Variants in ALPL observed in about 807,000 individuals in gnomAD.
ALPL encodes alkaline phosphatase, tissue-nonspecific isozyme.
ALPL carries 42 observed loss-of-function variants against 51.3 expected under a neutral mutation model. The observed-to-expected ratio is 0.82, with a 90% CI of 0.64 to 1.06. The LOEUF is 1.06. Among genes scored for constraint, ALPL ranks in the 50% least tolerant of loss-of-function variants. The pLI is 0.00. For missense variants in ALPL, 589 were observed against 709.4 expected, an observed-to-expected ratio of 0.83 and a Z score of 1.93; for synonymous variants, 279 against 296.4, an observed-to-expected ratio of 0.94 and a Z score of 0.60.
rs1430797245 is a variant in ALPL, at chr1:21,577,428, A to G, written c.1355A>G (p.Glu452Gly). The change falls in exon 12 of 12, where the codon GAG becomes GGG. Residue 452 changes from glutamate (E) to glycine (G), a missense_variant. Glu to Gly is a moderately conservative substitution (Grantham distance 98). Coordinates refer to ENST00000374840, the MANE Select transcript of ALPL (RefSeq NM_000478.6). ...CAGTCTGCTGTGCCCCTGCGCCACGAGACCCACGGCGGGGAGGACGTGGCC... is the reference window on the plus strand; with the variant it reads ...CAGTCTGCTGTGCCCCTGCGCCACGGGACCCACGGCGGGGAGGACGTGGCC... ...QAQSAVPLRHETHGGEDVAVF... is the reference protein window; with the variant it reads ...QAQSAVPLRHGTHGGEDVAVF... The G allele has an allele frequency of 1.2e-6, 2 of 1,613,020 alleles. No individual in the cohort carries two copies. The highest frequency in any genetic ancestry group is 1.7e-6 in the Non-Finnish European group (2 of 1,179,968).
At chr1:21,536,978 C>A (rs1441421964) in intron 1 of ALPL, among the ~76,000 whole-genome samples, 1 of 147,830 alleles carries the variant, frequency 6.8e-6, no homozygotes, top group African/African-American at 2.6e-5. Flanking sequence ...CTCACTACAA[C>A]CTCCACCTCC....
intron 2 of ALPL, among the ~76,000 whole-genome samples, chr1:21,560,306 G>T (rs1051527461): frequency 6.6e-6 from 1 of 152,252 alleles, no homozygotes; most frequent in African/African-American, 2.4e-5. Flanking sequence ...GAAGGAATGA[G>T]CATGGGCTTT....
chr1:21,511,558 C>T (rs969824886), intron 1 of ALPL, among the ~76,000 whole-genome samples: 1 of 152,320 alleles, frequency 6.6e-6, no homozygotes, highest in South Asian at 2.1e-4. Context: ...GAACCTGTTA[C>T]CCACTTCTGC....
In ALPL at chr1:21,564,516, G is replaced by A. The variant is rs1644536366; in HGVS notation, c.648+300G>A. On this transcript the variant is annotated intron_variant, in intron 6 of 11. Transcript: ENST00000374840. This position sits in a 1 kb window ranked among gnomAD's most constrained non-coding sequence, Gnocchi z 5.8. ...TGCCCTCCTCTGCCCCCCACTACACGGGAGGTGGTGATGGCCAAGTGTCGT... is the reference window on the plus strand; with the variant it reads ...TGCCCTCCTCTGCCCCCCACTACACAGGAGGTGGTGATGGCCAAGTGTCGT... 6.6e-6 allele frequency among the ~76,000 whole-genome samples: 1 copy of A among 152,168 alleles called. No individual in the cohort carries two copies. The highest frequency in any genetic ancestry group is 1.5e-5 in the Non-Finnish European group (1 of 68,018).
intron 1 of ALPL, among the ~76,000 whole-genome samples, chr1:21,526,153 A>G (rs1486884694): frequency 6.6e-6 from 1 of 151,598 alleles, no homozygotes; most frequent in Non-Finnish European, 1.5e-5. Flanking sequence ...TCATTTATTT[A>G]TTTTTTTTGA....
At chr1:21,557,963 G>A (rs976321471) in intron 2 of ALPL, among the ~76,000 whole-genome samples, 1 of 152,170 alleles carries the variant, frequency 6.6e-6, no homozygotes, top group East Asian at 1.9e-4. Context: ...TGCCTGTTTT[G>A]AGCCTCATAT....
intron 4 of ALPL, among the ~76,000 whole-genome samples, chr1:21,561,493 C>T (rs1644484268): frequency 6.6e-6 from 1 of 152,048 alleles, no homozygotes; most frequent in Non-Finnish European, 1.5e-5. Context: ...GGGCTCAAGC[C>T]ATCCTCCCAC....
chr1:21,566,039 G>A (rs970810965), intron 6 of ALPL, among the ~76,000 whole-genome samples: 2 of 151,972 alleles, frequency 1.3e-5, no homozygotes, highest in Non-Finnish European at 2.9e-5. Flanking sequence ...ACAGTTGTGG[G>A]GGGCGGGGCA....
chr1:21,552,847 A>AC (rs1644351674), intron 1 of ALPL, among the ~76,000 whole-genome samples: 1 of 152,214 alleles, frequency 6.6e-6, no homozygotes, highest in African/African-American at 2.4e-5. Context: ...GCTGTTTCCC[A>AC]CAACAAATGG....
chr1:21,565,620 G>A (rs1644552442), intron 6 of ALPL, among the ~76,000 whole-genome samples: 1 of 151,914 alleles, frequency 6.6e-6, no homozygotes, highest in Non-Finnish European at 1.5e-5. Context: ...GATGAGGAGG[G>A]GGGGCCGCAG....
At chr1:21,520,780 A>G (rs371991532) in intron 1 of ALPL, among the ~76,000 whole-genome samples, 9 of 152,240 alleles carry the variant, frequency 5.9e-5, no homozygotes, top group Non-Finnish European at 8.8e-5. Flanking sequence ...AACTCACCGA[A>G]CCATCAAAGC....
intron 1 of ALPL, among the ~76,000 whole-genome samples, chr1:21,553,648 C>T (rs1644360851): frequency 6.6e-6 from 1 of 152,184 alleles, no homozygotes; most frequent in African/African-American, 2.4e-5. Flanking sequence ...TGCTTGCTCT[C>T]CTTACAGTTT....
At chr1:21,541,016 C>T (rs1326610869) in intron 1 of ALPL, among the ~76,000 whole-genome samples, 2 of 152,204 alleles carry the variant, frequency 1.3e-5, no homozygotes, top group Non-Finnish European at 2.9e-5. Flanking sequence ...AAGTACTCAG[C>T]AGGCAGGTGA....
chr1:21,572,092 C>T (rs915980844), intron 8 of ALPL, among the ~76,000 whole-genome samples: 2 of 152,242 alleles, frequency 1.3e-5, no homozygotes, highest in African/African-American at 4.8e-5. Context: ...TTTGAGGCTG[C>T]AGTGAGCTAT....
In ALPL at chr1:21,564,655, G is replaced by T. The variant is rs1450707223; in HGVS notation, c.648+439G>T. On this transcript the variant is annotated intron_variant, in intron 6 of 11. Coordinates refer to ENST00000374840, the MANE Select transcript of ALPL (RefSeq NM_000478.6). The surrounding 1 kb of genome is among the most constrained non-coding windows in gnomAD (Gnocchi z 5.8). ...CAGTGGTTGGCTAGTGCCAGCTCTC[G>T]TGTTTAAACTTCCGAGTTCCAGACC... is the stretch of plus-strand genomic sequence containing the variant. Among the ~76,000 whole-genome samples the T allele has an allele frequency of 6.6e-6, 1 of 152,148 alleles. No homozygotes were observed.
intron 1 of ALPL, among the ~76,000 whole-genome samples, chr1:21,511,217 T>C (rs954431015): frequency 6.6e-6 from 1 of 152,230 alleles, no homozygotes; most frequent in African/African-American, 2.4e-5. Context: ...ATTCACAGTG[T>C]AGACTTGAAA....
intron 8 of ALPL, among the ~76,000 whole-genome samples, chr1:21,571,740 A>C (rs1644652831): frequency 6.6e-6 from 1 of 152,188 alleles, no homozygotes; most frequent in South Asian, 2.1e-4. Context: ...CTGTAATCCT[A>C]GCACTTTGGG....
chr1:21,531,105 C>A (rs957330793), intron 1 of ALPL, among the ~76,000 whole-genome samples: 1 of 151,960 alleles, frequency 6.6e-6, no homozygotes, highest in Non-Finnish European at 1.5e-5. Context: ...AGGCACCCAC[C>A]ACCACACCCG....
chr1:21,571,018 C>T (rs1484800302), intron 8 of ALPL, among the ~76,000 whole-genome samples: 2 of 152,234 alleles, frequency 1.3e-5, no homozygotes, highest in Non-Finnish European at 1.5e-5. Context: ...CAGAGCTGTG[C>T]ACCTGGTGGG....
Sources: gnomAD v4.1 joint callset for allele counts (sites outside exome capture counted in the v4.1 genomes callset) on GRCh38, gnomAD v4.1.1 for gene constraint, Gnocchi (gnomAD v3.1) non-coding constraint, MANE v1.5 for transcripts, NCBI Gene and HGNC (gene_info 2026-07-23, HGNC 2026-07-21) for gene names.